Variants in TCP11L2 observed in about 807,000 individuals in gnomAD.
TCP11L2 encodes T-complex protein 11-like protein 2.
A neutral mutation model predicts 50.7 loss-of-function variants in TCP11L2; 39 were observed. The observed-to-expected ratio is 0.77, with a 90% CI of 0.60 to 1.01. TCP11L2 has a LOEUF of 1.01. TCP11L2 is among the 50% of genes least tolerant of loss of function. The pLI, the probability that TCP11L2 is intolerant of heterozygous loss-of-function variation, is 0.00. For synonymous variants in TCP11L2, 192 were observed against 219.3 expected, an observed-to-expected ratio of 0.88 and a Z score of 1.10; for missense variants, 612 against 614.7, an observed-to-expected ratio of 1.00 and a Z score of 0.05.
chr12:106,329,497 T>A, intron 6 of TCP11L2: 1 of 1,498,762 alleles, frequency 6.7e-7, no homozygotes. Flanking sequence ...CATTCTCAAG[T>A]CTGACTACAA....
At chr12:106,305,557 G>A (rs928934931) in intron 1 of TCP11L2, among the ~76,000 whole-genome samples, 1 of 152,192 alleles carries the variant, frequency 6.6e-6, no homozygotes, top group African/African-American at 2.4e-5. Flanking sequence ...TGAGTAATGT[G>A]AGTGAGGCAG....
In TCP11L2 at chr12:106,318,218, A is replaced by G. The variant is rs1039757704; in HGVS notation, c.294-126A>G. ...CAACAAGAAAAATATTAAAAGATTAATGGATTAAGGACAATTATTCTGTGT... is the reference window on the plus strand; with the variant it reads ...CAACAAGAAAAATATTAAAAGATTAGTGGATTAAGGACAATTATTCTGTGT... On this transcript the variant is annotated intron_variant, in intron 3 of 9. Coordinates refer to ENST00000299045, the MANE Select transcript of TCP11L2 (RefSeq NM_152772.3). 3 of 1,110,654 alleles carry G rather than the reference A, an allele frequency of 2.7e-6. No individual in the cohort carries two copies. In the Admixed American group the frequency reaches 8.1e-5, roughly 30 times the overall value. The allele number at this position is 1,110,654 out of a possible 1,614,324, so 68.8% of individuals were successfully genotyped here. A position where few individuals can be genotyped will look rare whatever the true frequency, so the allele number is the denominator to read the frequency against.
chr12:106,346,441 T>C lies in TCP11L2; in HGVS notation c.1471T>C (p.Tyr491His), dbSNP rs2036235662. The C allele has an allele frequency of 6.2e-7, 1 of 1,614,020 alleles. No individual in the cohort carries two copies. Among genetic ancestry groups the C allele is most frequent in the South Asian group, 1.1e-5 (1 of 91,084 alleles). The change falls in exon 10 of 10, where the codon TAT (tyrosine) becomes CAT (histidine). Residue 491 changes from tyrosine (Y) to histidine (H), a missense_variant. Coordinates refer to ENST00000299045, the MANE Select transcript of TCP11L2 (RefSeq NM_152772.3). ...ANIVNLNKQV[Y>H]GPFYANILRK... is the part of the protein sequence containing the mutation. The stretch of plus-strand genomic sequence containing the variant: ...CATTGTGAATCTCAACAAACAAGTG[T>C]ATGGACCATTTTATGCAAATATACT...
chr12:106,301,705 C>G (rs1405540444), upstream of TCP11L2, among the ~76,000 whole-genome samples: 1 of 152,194 alleles, frequency 6.6e-6, no homozygotes, highest in Non-Finnish European at 1.5e-5. Context: ...CCAAGTAATA[C>G]AGCACCGATT....
chr12:106,312,256 CATTTT>C lies in TCP11L2; in HGVS notation c.157+1025_157+1029del, dbSNP rs1565839712. On this transcript the variant is annotated intron_variant, in intron 2 of 9. Coordinates refer to ENST00000299045, the MANE Select transcript of TCP11L2 (RefSeq NM_152772.3). ...GATTAATCACTGGACATTTAGTTTC[CATTTT>C]TTTTTTTTTTTTTTTTTGCTGTTAT... The C allele has an allele frequency of 5.1e-3, 1,589 of 313,702 alleles. 5 individuals are homozygous for C. Among genetic ancestry groups the C allele is most frequent in the Non-Finnish European group, 6.6e-3 (1,157 of 175,112 alleles). 19.4% of individuals were successfully genotyped at this position (313,702 alleles called of 1,614,324 possible).
intron 4 of TCP11L2, among the ~76,000 whole-genome samples, chr12:106,319,207 A>G (rs540098970): frequency 2.2e-3 from 329 of 152,284 alleles, no homozygotes; most frequent in South Asian, 8.5e-3. Context: ...CACCGCGCCC[A>G]GCCTAGGGTC....
chr12:106,301,172 TG>T (rs1288729116), upstream of TCP11L2, among the ~76,000 whole-genome samples: 1 of 152,228 alleles, frequency 6.6e-6, no homozygotes, highest in Non-Finnish European at 1.5e-5. Context: ...AGAGCATGTT[TG>T]TAGGGAAGAA....
chr12:106,304,612 A>C (rs936264306), intron 1 of TCP11L2, among the ~76,000 whole-genome samples: 1 of 152,158 alleles, frequency 6.6e-6, no homozygotes, highest in Non-Finnish European at 1.5e-5. Context: ...TTTACTACAC[A>C]TATGTGAAGG....
chr12:106,339,540 A>G (rs946589900), intron 8 of TCP11L2, among the ~76,000 whole-genome samples: 5 of 152,146 alleles, frequency 3.3e-5, no homozygotes, highest in Middle Eastern at 3.2e-3. Context: ...TCATCACGAA[A>G]TGTTTGCCAA....
chr12:106,314,194 CT>C (rs1420807374), intron 2 of TCP11L2, among the ~76,000 whole-genome samples, 163 bp from the exon 3 acceptor site: 1 of 152,042 alleles, frequency 6.6e-6, no homozygotes, highest in Non-Finnish European at 1.5e-5. Flanking sequence ...TTTTTGAAGC[CT>C]TTATTAACTG....
chr12:106,329,413 G>A (rs763581281), intron 6 of TCP11L2: 137 of 1,535,738 alleles, frequency 8.9e-5, no homozygotes, highest in South Asian at 2.3e-4. Flanking sequence ...GCCTGTGAGA[G>A]TGAAGTCTCT....
chr12:106,342,287 T>A (rs2036113815), intron 9 of TCP11L2, among the ~76,000 whole-genome samples: 1 of 152,190 alleles, frequency 6.6e-6, no homozygotes. Context: ...GCTTCAACTT[T>A]GCCCCCAGAA....
Position 106,346,799 on chromosome 12 carries a change from T to G in TCP11L2, c.*269T>G. 8.6e-6 allele frequency: 3 copies of G among 347,932 alleles called. No homozygotes were observed. The highest frequency in any genetic ancestry group is 1.6e-5 in the Non-Finnish European group (3 of 191,412). 21.6% of individuals were successfully genotyped at this position (347,932 alleles called of 1,614,324 possible). A position where few individuals can be genotyped will look rare whatever the true frequency, so the allele number is the denominator to read the frequency against. On this transcript the variant is annotated 3_prime_UTR_variant, in exon 10 of 10. Transcript: ENST00000299045. Reference sequence around the variant, plus strand: ...GAACAGAAAACAATTTGTAATTAATTATATTACCTATATAATACTTGTAAA... The same window carrying G: ...GAACAGAAAACAATTTGTAATTAATGATATTACCTATATAATACTTGTAAA...
chr12:106,298,096 A>G (rs1050333125), upstream of TCP11L2, among the ~76,000 whole-genome samples: 28 of 152,344 alleles, frequency 1.8e-4, no homozygotes, highest in African/African-American at 6.7e-4. Context: ...GAAATGAGAA[A>G]TAACTGTTAA....
At chr12:106,298,222 C>G (rs1210211697), upstream of TCP11L2, among the ~76,000 whole-genome samples, 1 of 152,082 alleles carries the variant, frequency 6.6e-6, no homozygotes, top group African/African-American at 2.4e-5. Context: ...TCTACCTTAT[C>G]TTCCAAATCA....
chr12:106,340,927 A>G lies in TCP11L2; in HGVS notation c.1244A>G (p.Glu415Gly), dbSNP rs1001289380. The part of the protein sequence containing the change: ...MERGLPTLNA[E>G]IQANLIGQFS... ...AGAGGTTTACCCACTTTAAATGCTG[A>G]GATTCAAGCTAATCTTATAGGTCAA... The change falls in exon 9 of 10, where the codon GAG (glutamate) becomes GGG (glycine). Residue 415 changes from glutamate (E) to glycine (G), a missense_variant. Transcript: ENST00000299045. The G allele has an allele frequency of 1.9e-6, 3 of 1,613,732 alleles. No individual in the cohort carries two copies. The highest frequency in any genetic ancestry group is 2.5e-6 in the Non-Finnish European group (3 of 1,179,872).
At chr12:106,342,420 C>T (rs537302230) in intron 9 of TCP11L2, among the ~76,000 whole-genome samples, 1 of 152,260 alleles carries the variant, frequency 6.6e-6, no homozygotes, top group East Asian at 1.9e-4. Context: ...TATCTATATA[C>T]CTTCACATGC....
At chr12:106,318,993 G>C (rs2035222533) in intron 4 of TCP11L2, among the ~76,000 whole-genome samples, 1 of 151,688 alleles carries the variant, frequency 6.6e-6, no homozygotes, top group Non-Finnish European at 1.5e-5. Context: ...CTCACTGCAA[G>C]CTCCGCTTCC....
At chr12:106,330,820 TC>T (rs550789338) in intron 6 of TCP11L2, among the ~76,000 whole-genome samples, 179 of 152,196 alleles carry the variant, frequency 1.2e-3, no homozygotes, top group Non-Finnish European at 2.3e-3. Flanking sequence ...TGCAGAGGCA[TC>T]TTTTGAAGCA....
Sources: allele counts gnomAD v4.1 joint callset (sites outside exome capture counted in the v4.1 genomes callset), GRCh38; gene constraint gnomAD v4.1.1; transcripts MANE v1.5; gene names NCBI Gene and HGNC (gene_info 2026-07-23, HGNC 2026-07-21).